Variants in TCF7L1 observed in about 807,000 individuals in gnomAD.
The protein encoded by TCF7L1 is transcription factor 7 like 1, also known as transcription factor 7-like 1.
TCF7L1 carries 18 observed loss-of-function variants against 63.7 expected under a neutral mutation model. That is an observed-to-expected ratio of 0.28 (90% confidence interval 0.20 to 0.42). The LOEUF (loss-of-function observed/expected upper bound fraction) is 0.42, where lower values mean the gene tolerates loss of function less well. Among genes scored for constraint, TCF7L1 ranks in the 10% least tolerant of loss-of-function variants. TCF7L1 has a pLI of 1.00. For missense variants in TCF7L1, 654 were observed against 779.3 expected (o/e 0.84, Z 1.91); for synonymous variants, 355 against 340.9 (o/e 1.04, Z -0.46).
At position 85,159,302 on chromosome 2, in the gene TCF7L1, C is replaced by T. The variant is rs746437126; in HGVS notation, c.441+24852C>T. Among the ~76,000 whole-genome samples, 9 of 152,250 alleles carry T rather than the reference C, an allele frequency of 5.9e-5. No homozygotes were observed. In the Middle Eastern group the frequency reaches 0.01, roughly 173 times the overall value. ...TGATGGTGCCCAGGCGCCCGGGGCT[C>T]CCTGGGCAGACCATTCACTTCGGGA... On this transcript the variant is annotated intron_variant, in intron 3 of 11. Coordinates refer to ENST00000282111, the MANE Select transcript of TCF7L1 (RefSeq NM_031283.3).
chr2:85,299,949 C>T (rs1425507113), intron 4 of TCF7L1, among the ~76,000 whole-genome samples: 2 of 146,770 alleles, frequency 1.4e-5, no homozygotes, highest in East Asian at 2.1e-4. Flanking sequence ...CCAAAATGAC[C>T]ATAGCGACAG....
intron 3 of TCF7L1, among the ~76,000 whole-genome samples, chr2:85,135,600 A>T (rs1055538198): frequency 6.6e-6 from 1 of 151,050 alleles, no homozygotes; most frequent in Non-Finnish European, 1.5e-5. Context: ...CTGAATGGCC[A>T]TTCCTGCTGT....
chr2:85,297,728 T>C (rs1354039877), intron 4 of TCF7L1, among the ~76,000 whole-genome samples: 1 of 151,854 alleles, frequency 6.6e-6, no homozygotes, highest in Non-Finnish European at 1.5e-5. Context: ...GAAGCTGCAG[T>C]GAGCTGAGGT....
In TCF7L1 at chr2:85,208,538, A is replaced by C. The variant is rs866615525; in HGVS notation, c.441+74088A>C. Among the ~76,000 whole-genome samples the C allele has an allele frequency of 2.7e-4, 41 of 152,304 alleles. 1 individual carries two copies. The highest frequency in any genetic ancestry group is 9.6e-4 in the African/African-American group (40 of 41,564). On this transcript the variant is annotated intron_variant, in intron 3 of 11. Coordinates refer to ENST00000282111, the MANE Select transcript of TCF7L1 (RefSeq NM_031283.3). ...ATAAGCAGAGACCCGAAGGAAGTGA[A>C]GGGATGAACCGTATCCAGTTCATGG...
intron 4 of TCF7L1, among the ~76,000 whole-genome samples, chr2:85,298,021 G>A (rs1322511320): frequency 3.3e-5 from 5 of 150,364 alleles, no homozygotes; most frequent in African/African-American, 9.8e-5. Flanking sequence ...GCAGTGGTGC[G>A]ATCTCGGCTC....
At position 85,134,057 on chromosome 2, in the gene TCF7L1, G is replaced by A. The variant is rs767219023; in HGVS notation, c.291G>A (p.Lys97=). The A allele has an allele frequency of 4.3e-6, 7 of 1,610,522 alleles. No homozygotes were observed. The African/African-American group carries it at 5.4e-5, about 12-fold the overall frequency. ...AGCCCGTCCGGGACACTTTCCAGAA[G>A]CCGCGGGACTATTTCGCCGAAGGTA... ...RPQPVRDTFQ[K]PRDYFAEVRR... The change falls in exon 2 of 12, where the codon AAG becomes AAA. Residue 97 remains lysine (K), a synonymous_variant. Transcript: ENST00000282111. The surrounding 1 kb of genome is among the most constrained non-coding windows in gnomAD (Gnocchi z 5.0).
intron 3 of TCF7L1, among the ~76,000 whole-genome samples, chr2:85,223,543 A>G (rs2104303802): frequency 6.6e-6 from 1 of 152,218 alleles, no homozygotes; most frequent in East Asian, 1.9e-4. Flanking sequence ...AGGTGGATGT[A>G]TGGGGTGTCT....
At chr2:85,228,163 T>TA (rs1680000007) in intron 3 of TCF7L1, among the ~76,000 whole-genome samples, 1 of 152,110 alleles carries the variant, frequency 6.6e-6, no homozygotes, top group African/African-American at 2.4e-5. Flanking sequence ...CTCATGCCTA[T>TA]AATCCCAACA....
In TCF7L1 at chr2:85,210,939, CT is replaced by C. The variant is rs199872773; in HGVS notation, c.442-72555del. Among the ~76,000 whole-genome samples, 24 of 152,306 alleles carry C rather than the reference CT, an allele frequency of 1.6e-4. No individual in the cohort carries two copies. In the East Asian group the frequency reaches 4.4e-3, roughly 28 times the overall value. On this transcript the variant is annotated intron_variant, in intron 3 of 11. Coordinates refer to ENST00000282111, the MANE Select transcript of TCF7L1 (RefSeq NM_031283.3). The stretch of plus-strand genomic sequence containing the variant: ...CTAACAAGTGGCAGAGCCCAGGAAC[CT>C]GCGCGAGGCACCACCCACTCTGCAC...
chr2:85,235,391 G>A (rs1680167624), intron 3 of TCF7L1, among the ~76,000 whole-genome samples: 1 of 151,416 alleles, frequency 6.6e-6, no homozygotes, highest in African/African-American at 2.4e-5. Flanking sequence ...CTAGGATGCA[G>A]TGGAGTGAGC....
intron 3 of TCF7L1, among the ~76,000 whole-genome samples, chr2:85,246,454 T>C (rs1159053562): frequency 6.6e-6 from 1 of 151,760 alleles, no homozygotes. Context: ...TTGACATACT[T>C]AACGACTCAC....
chr2:85,168,634 T>A, intron 3 of TCF7L1, among the ~76,000 whole-genome samples: 1 of 151,952 alleles, frequency 6.6e-6, no homozygotes, highest in East Asian at 1.9e-4. Flanking sequence ...GACTTTTTTT[T>A]TTTTTGAGAC....
At chr2:85,268,293 C>T (rs1039066514) in intron 3 of TCF7L1, among the ~76,000 whole-genome samples, 2 of 152,096 alleles carry the variant, frequency 1.3e-5, no homozygotes, top group African/African-American at 4.8e-5. Flanking sequence ...CCGCTAATTG[C>T]CTTTGCAGAC....
intron 3 of TCF7L1, among the ~76,000 whole-genome samples, chr2:85,243,283 AGAGGTG>A (rs923932769): frequency 1.3e-5 from 2 of 152,188 alleles, no homozygotes; most frequent in Admixed American, 6.5e-5. Context: ...GCCGTCACCC[AGAGGTG>A]GGAGCAGATC....
intron 3 of TCF7L1, among the ~76,000 whole-genome samples, chr2:85,251,562 G>A (rs1216742380): frequency 6.6e-6 from 1 of 152,160 alleles, no homozygotes; most frequent in African/African-American, 2.4e-5. Context: ...CCCCGCTTGA[G>A]GCTGTTTACC....
At chr2:85,142,607 T>C (rs1402140212) in intron 3 of TCF7L1, among the ~76,000 whole-genome samples, 1 of 152,110 alleles carries the variant, frequency 6.6e-6, no homozygotes, top group Non-Finnish European at 1.5e-5. Flanking sequence ...TAAGAGCATA[T>C]AGAAAACCGT....
chr2:85,309,166 G>A lies in TCF7L1; in HGVS notation c.1471G>A (p.Ala491Thr). 6.2e-7 allele frequency: 1 copy of A among 1,613,654 alleles called. No individual in the cohort carries two copies. ...CTCTGCAGCTTTGGCCTCACCAGCTGCCCCTGCTGCCACCCATTCGGAGCA... is the reference window on the plus strand; with the variant it reads ...CTCTGCAGCTTTGGCCTCACCAGCTACCCCTGCTGCCACCCATTCGGAGCA... ...TPSAALASPAAPAATHSEQAQ... is the reference protein window; with the variant it reads ...TPSAALASPATPAATHSEQAQ... Residue 491 changes from alanine to threonine, a missense_variant, in exon 12 of 12, where the codon GCC (alanine) becomes ACC (threonine). Around this residue, in one of 3 missense-constraint regions of TCF7L1, gnomAD observed 184 missense variants for 204.0 expected, o/e 0.90. Coordinates refer to ENST00000282111, the MANE Select transcript of TCF7L1 (RefSeq NM_031283.3).
intron 4 of TCF7L1, among the ~76,000 whole-genome samples, chr2:85,287,997 T>C (rs182323591): frequency 1.3e-5 from 2 of 152,206 alleles, no homozygotes; most frequent in African/African-American, 4.8e-5. Context: ...GCCAGTGTAT[T>C]GTAATGAGTC....
intron 4 of TCF7L1, among the ~76,000 whole-genome samples, chr2:85,295,775 C>T (rs913346855): frequency 9.9e-5 from 10 of 100,874 alleles, no homozygotes; most frequent in East Asian, 6.0e-4. Flanking sequence ...GTAACATTTA[C>T]TTTTTTTTTT....
Sources: gnomAD v4.1 joint callset for allele counts (sites outside exome capture counted in the v4.1 genomes callset) on GRCh38, gnomAD v4.1.1 for gene constraint, gnomAD v4.1.1 regional missense constraint, Gnocchi (gnomAD v3.1) non-coding constraint, MANE v1.5 for transcripts, NCBI Gene and HGNC (gene_info 2026-07-23, HGNC 2026-07-21) for gene names.